Variants in FGGY observed in about 807,000 individuals in gnomAD.
FGGY encodes the protein FGGY carbohydrate kinase domain containing, also known as FGGY carbohydrate kinase domain-containing protein.
FGGY carries 72 observed loss-of-function variants against 71.3 expected under a neutral mutation model. The ratio of observed to expected loss-of-function variants is 1.01; its 90% CI spans 0.84 to 1.23. FGGY has a LOEUF of 1.23. Among genes scored for constraint, FGGY ranks in the 50% most tolerant of loss-of-function variants. The pLI is 0.00. For missense variants in FGGY, 668 were observed against 682.3 expected (o/e 0.98, Z 0.23); for synonymous variants, 251 against 250.3 (o/e 1.00, Z -0.02).
At chr1:59,389,214 A>T (rs762901296) in intron 5 of FGGY, among the ~76,000 whole-genome samples, 4 of 152,084 alleles carry the variant, frequency 2.6e-5, no homozygotes, top group Non-Finnish European at 5.9e-5. Flanking sequence ...AACAGATAAA[A>T]ACTTTACTAT....
intron 7 of FGGY, among the ~76,000 whole-genome samples, chr1:59,525,333 G>A (rs546542792): frequency 2.0e-5 from 3 of 152,178 alleles, no homozygotes; most frequent in Non-Finnish European, 4.4e-5. Flanking sequence ...TGGGCCAAGT[G>A]GGTGGAATGA....
At chr1:59,403,049 G>A (rs1054127702) in intron 5 of FGGY, among the ~76,000 whole-genome samples, 2 of 152,118 alleles carry the variant, frequency 1.3e-5, no homozygotes, top group East Asian at 3.9e-4. Flanking sequence ...TTTGGGGCTT[G>A]CCATGGTCTG....
chr1:59,387,663 C>A (rs569390774), intron 5 of FGGY, among the ~76,000 whole-genome samples: 1 of 152,078 alleles, frequency 6.6e-6, no homozygotes, highest in African/African-American at 2.4e-5. Flanking sequence ...TATTGAACAC[C>A]CTTATACCTT....
At chr1:59,351,663 T>C (rs1042826443) in intron 4 of FGGY, among the ~76,000 whole-genome samples, 1 of 152,194 alleles carries the variant, frequency 6.6e-6, no homozygotes, top group Non-Finnish European at 1.5e-5. Context: ...AAGGGGCTGT[T>C]ACAGTACTCC....
At chr1:59,338,344 A>G (rs77321329) in intron 2 of FGGY, among the ~76,000 whole-genome samples, 1 of 152,092 alleles carries the variant, frequency 6.6e-6, no homozygotes. Flanking sequence ...AATACTGGCT[A>G]TGTAATATTT....
At chr1:59,472,986 C>T (rs1001605770) in intron 6 of FGGY, among the ~76,000 whole-genome samples, 3 of 152,184 alleles carry the variant, frequency 2.0e-5, no homozygotes, top group Non-Finnish European at 4.4e-5. Context: ...AATCAGCACT[C>T]TGTCAAAACA....
At chr1:59,753,446 G>T (rs1160496876) in intron 14 of FGGY, among the ~76,000 whole-genome samples, 1 of 124,204 alleles carries the variant, frequency 8.1e-6, no homozygotes, top group Non-Finnish European at 1.6e-5. Flanking sequence ...CATTTTGACT[G>T]TCTTTATAAG....
rs955702396 is a variant in FGGY, at chr1:59,345,311, G to A, written c.314-936G>A. Among the ~76,000 whole-genome samples, 9 of 152,212 alleles carry A rather than the reference G, an allele frequency of 5.9e-5. No individual in the cohort carries two copies. The East Asian group carries it at 1.2e-3, about 20-fold the overall frequency. On this transcript the variant is annotated intron_variant, in intron 3 of 15. Coordinates refer to ENST00000303721, the MANE Select transcript of FGGY (RefSeq NM_018291.5). ...TTTCTCTTTGCCCTAATAATCTCTC[G>A]GGTATATTAATTGCTGTTCTGCAAC...
intron 14 of FGGY, among the ~76,000 whole-genome samples, chr1:59,737,007 AG>A (rs2098111869): frequency 6.6e-6 from 1 of 152,202 alleles, no homozygotes; most frequent in South Asian, 2.1e-4. Flanking sequence ...CCTGAATCCC[AG>A]CTGCTCCAGC....
chr1:59,613,533 C>A (rs187848617), intron 9 of FGGY, among the ~76,000 whole-genome samples: 2 of 152,034 alleles, frequency 1.3e-5, no homozygotes, highest in African/African-American at 4.8e-5. Context: ...TAAATGCCCA[C>A]AAGAGAAAGC....
intron 13 of FGGY, among the ~76,000 whole-genome samples, chr1:59,673,484 G>C (rs899259614): frequency 1.3e-5 from 2 of 152,142 alleles, no homozygotes; most frequent in Non-Finnish European, 2.9e-5. Flanking sequence ...GGGAGGGAGA[G>C]CCCCTTGTCA....
intron 14 of FGGY, among the ~76,000 whole-genome samples, chr1:59,694,069 A>T (rs2097627141): frequency 6.6e-6 from 1 of 151,896 alleles, no homozygotes; most frequent in Non-Finnish European, 1.5e-5. Context: ...TGGGAGGCTG[A>T]GGAGGGCGGA....
At chr1:59,431,403 CTG>C (rs1299774985) in intron 5 of FGGY, among the ~76,000 whole-genome samples, 1 of 152,158 alleles carries the variant, frequency 6.6e-6, no homozygotes. Flanking sequence ...TCTTTCAACT[CTG>C]TATTTTCGCA....
chr1:59,714,822 G>A (rs1274137248), intron 14 of FGGY, among the ~76,000 whole-genome samples: 2 of 152,170 alleles, frequency 1.3e-5, no homozygotes, highest in Non-Finnish European at 2.9e-5. Context: ...CATTTAGCAT[G>A]AGTTATTTTT....
chr1:59,394,175 A>G (rs1378952873), intron 5 of FGGY, among the ~76,000 whole-genome samples: 1 of 152,246 alleles, frequency 6.6e-6, no homozygotes, highest in Non-Finnish European at 1.5e-5. Flanking sequence ...AACTTCATTA[A>G]TCCAGCCCTG....
At chr1:59,445,683 G>C (rs7550017) in intron 5 of FGGY, among the ~76,000 whole-genome samples, 2,243 of 152,112 alleles carry the variant, frequency 0.015, 59 homozygotes, top group African/African-American at 0.052. Flanking sequence ...GCTTTCTACA[G>C]CTCTGTGTTT....
chr1:59,662,242 C>G (rs2097282200), intron 12 of FGGY, among the ~76,000 whole-genome samples: 1 of 150,866 alleles, frequency 6.6e-6, no homozygotes, highest in African/African-American at 2.4e-5. Context: ...ATGGCATGAA[C>G]CCGGGAGGCG....
At chr1:59,347,284 C>A (rs1243946612) in intron 4 of FGGY, among the ~76,000 whole-genome samples, 1 of 123,752 alleles carries the variant, frequency 8.1e-6, no homozygotes, top group Non-Finnish European at 1.6e-5. Flanking sequence ...GTGTGATGTT[C>A]CCCTTCCTGT....
At chr1:59,505,853 A>G (rs1395308285) in intron 6 of FGGY, among the ~76,000 whole-genome samples, 1 of 152,176 alleles carries the variant, frequency 6.6e-6, no homozygotes, top group African/African-American at 2.4e-5. Context: ...GTCATAGATA[A>G]TTGAAAAACT....
Sources: gnomAD v4.1 joint callset for allele counts (sites outside exome capture counted in the v4.1 genomes callset) on GRCh38, gnomAD v4.1.1 for gene constraint, MANE v1.5 for transcripts, NCBI Gene and HGNC (gene_info 2026-07-23, HGNC 2026-07-21) for gene names.